The following PLXNA2 variants were observed in gnomAD, a reference collection of about 807,000 sequenced individuals.
PLXNA2 encodes the protein plexin-A2.
In PLXNA2, 91 loss-of-function variants were observed where a neutral mutation model predicts 193.5. That is an observed-to-expected ratio of 0.47 (90% CI 0.40 to 0.56). The LOEUF (loss-of-function observed/expected upper bound fraction) is 0.56. Among genes scored for constraint, PLXNA2 ranks in the 20% least tolerant of loss-of-function variants. PLXNA2 has a pLI of 0.00. For missense variants in PLXNA2, 1,995 were observed against 2,503.2 expected, an observed-to-expected ratio of 0.80 and a Z score of 4.33; for synonymous variants, 997 against 1,027.3, an observed-to-expected ratio of 0.97 and a Z score of 0.56.
rs757157494 is a variant in PLXNA2 at position 208,062,906 on chromosome 1, C to A, written c.2587-2069G>T. ...CAGTTTCCTCAGGGACCTGGGACTC[C>A]TGGGCTCTGGGAAAAGAACCCTTGT... On this transcript the variant is annotated intron_variant, in intron 12 of 31. Coordinates refer to ENST00000367033, the MANE Select transcript of PLXNA2 (RefSeq NM_025179.4). 1.6e-4 allele frequency among the ~76,000 whole-genome samples: 24 copies of A among 152,160 alleles called. 1 individual carries two copies. Among genetic ancestry groups the A allele is most frequent in the Non-Finnish European group, 2.9e-4 (20 of 68,026 alleles).
chr1:208,225,147 G>A (rs763325135), intron 1 of PLXNA2, among the ~76,000 whole-genome samples: 1 of 152,172 alleles, frequency 6.6e-6, no homozygotes, highest in Non-Finnish European at 1.5e-5. Context: ...CAGAGGCAGG[G>A]TAATGGGGCA....
chr1:208,071,480 A>C (rs1039893995), intron 12 of PLXNA2, among the ~76,000 whole-genome samples: 5 of 152,196 alleles, frequency 3.3e-5, no homozygotes, highest in Non-Finnish European at 7.4e-5. Context: ...GGTCTGAGAA[A>C]GCAAATTGTG....
chr1:208,029,544 G>GCTGGC (rs914986992), intron 29 of PLXNA2: 25 of 994,806 alleles, frequency 2.5e-5, no homozygotes, highest in Non-Finnish European at 2.8e-5. Flanking sequence ...ACTTCCCAGG[G>GCTGGC]CTGGCCTGGC....
intron 3 of PLXNA2, among the ~76,000 whole-genome samples, chr1:208,177,887 C>T (rs1209685545): frequency 6.6e-6 from 1 of 152,240 alleles, no homozygotes; most frequent in Non-Finnish European, 1.5e-5. Context: ...TTCTGATGCA[C>T]TCTCAAGTCT....
intron 13 of PLXNA2, among the ~76,000 whole-genome samples, chr1:208,057,504 C>A (rs1231773234): frequency 6.6e-6 from 1 of 152,160 alleles, no homozygotes; most frequent in Non-Finnish European, 1.5e-5. Context: ...GAGAGCTAAC[C>A]ACTTGTCCCC....
rs1343689390 is a variant in PLXNA2, at chr1:208,096,796, A to T, written c.1819T>A (p.Ser607Thr). ...GNLTEVEGQVSGSQVICISPG... is the reference protein window; with the variant it reads ...GNLTEVEGQVTGSQVICISPG... ...GAGATGCAGATGACCTGGCTCCCGG[A>T]CACCTGCCCCTCCACCTCTGTCAGG... Residue 607 changes from serine to threonine, a missense_variant, in exon 7 of 32, where the codon TCC becomes ACC. Ser to Thr is a moderately conservative substitution (Grantham distance 58). Around this residue, in one of 3 missense-constraint regions of PLXNA2, gnomAD observed 702 missense variants for 812.9 expected, o/e 0.86. Coordinates refer to ENST00000367033, the MANE Select transcript of PLXNA2 (RefSeq NM_025179.4). 6.2e-7 allele frequency: 1 copy of T among 1,614,060 alleles called. No individual in the cohort carries two copies. Among genetic ancestry groups the T allele is most frequent in the Middle Eastern group, 1.6e-4 (1 of 6,062 alleles).
intron 2 of PLXNA2, among the ~76,000 whole-genome samples, chr1:208,211,543 A>C (rs1246456074): frequency 6.6e-6 from 1 of 152,098 alleles, no homozygotes; most frequent in Non-Finnish European, 1.5e-5. Context: ...AATACAAAAA[A>C]TTAGCCAGGC....
chr1:208,074,375 G>T (rs543596496), intron 12 of PLXNA2, among the ~76,000 whole-genome samples: 1 of 152,132 alleles, frequency 6.6e-6, no homozygotes, highest in Non-Finnish European at 1.5e-5. Context: ...AGACACCCAC[G>T]ATGACAGCTG....
chr1:208,031,416 G>T, intron 29 of PLXNA2, 174 bp downstream of exon 29: 1 of 1,316,312 alleles, frequency 7.6e-7, no homozygotes, highest in Non-Finnish European at 1.0e-6. Flanking sequence ...CAGGCAGCTG[G>T]GGACCGTGTG....
Position 208,067,344 on chromosome 1 carries a change from C to CAA in PLXNA2, c.2587-6509_2587-6508dup, listed in dbSNP as rs35720470. ...GGGCAACAAGAGTGGAACTCCGTCTCAAAAAAAAAAAAAAAAGTTATAATA... is the reference window on the plus strand; with the variant it reads ...GGGCAACAAGAGTGGAACTCCGTCTCAAAAAAAAAAAAAAAAAAGTTATAATA... On this transcript the variant is annotated intron_variant, in intron 12 of 31. Coordinates refer to ENST00000367033, the MANE Select transcript of PLXNA2 (RefSeq NM_025179.4). Among the ~76,000 whole-genome samples, 122 of 116,232 alleles carry CAA rather than the reference C, an allele frequency of 1.0e-3. 1 individual carries two copies. In the Middle Eastern group the frequency reaches 0.014, roughly 13 times the overall value. The allele number at this position is 116,232 out of a possible 152,430, so 76.3% of individuals were successfully genotyped here.
At chr1:208,066,904 A>G (rs1665814761) in intron 12 of PLXNA2, among the ~76,000 whole-genome samples, 1 of 152,256 alleles carries the variant, frequency 6.6e-6, no homozygotes, top group Admixed American at 6.5e-5. Flanking sequence ...AAAGTAAAAA[A>G]GTGAATTTCA....
intron 3 of PLXNA2, among the ~76,000 whole-genome samples, chr1:208,163,511 T>C (rs1456438979): frequency 6.6e-6 from 1 of 152,066 alleles, no homozygotes; most frequent in Non-Finnish European, 1.5e-5. Flanking sequence ...TTGCCTGGGA[T>C]GGCTGGTGGG....
intron 1 of PLXNA2, among the ~76,000 whole-genome samples, chr1:208,227,531 C>T (rs939630657): frequency 2.0e-5 from 3 of 152,192 alleles, no homozygotes; most frequent in Non-Finnish European, 2.9e-5. Flanking sequence ...TGGGAGAACT[C>T]ACCAGAATGT....
At chr1:208,214,562 A>G (rs945660138) in intron 2 of PLXNA2, among the ~76,000 whole-genome samples, 1 of 152,138 alleles carries the variant, frequency 6.6e-6, no homozygotes, top group African/African-American at 2.4e-5. Flanking sequence ...CTTGGTCCCA[A>G]CGGCAGGCAC....
At position 208,044,634 on chromosome 1, in the gene PLXNA2, G is replaced by T. The variant is rs767465070; in HGVS notation, c.3748C>A (p.Leu1250Ile). ...VSIAAGGSLL[L>I]IIVIIVLIAY... ...ATGAGGACGATGATGACGATGATGA[G>T]GAGGAGGCTGCCGCCGGCCGCGATG... Residue 1250 changes from leucine to isoleucine, a missense_variant, in exon 20 of 32, where the codon CTC becomes ATC. Leu to Ile is a conservative substitution (Grantham distance 5, BLOSUM62 2). Coordinates refer to ENST00000367033, the MANE Select transcript of PLXNA2 (RefSeq NM_025179.4). The surrounding 1 kb of genome is among the most constrained non-coding windows in gnomAD (Gnocchi z 4.9). 6.2e-7 allele frequency: 1 copy of T among 1,614,130 alleles called. No homozygotes were observed. The highest frequency in any genetic ancestry group is 8.5e-7 in the Non-Finnish European group (1 of 1,179,990).
At chr1:208,191,307 G>A (rs1290961902) in intron 3 of PLXNA2, among the ~76,000 whole-genome samples, 1 of 152,094 alleles carries the variant, frequency 6.6e-6, no homozygotes, top group Non-Finnish European at 1.5e-5. Context: ...CCTGTCCTAG[G>A]ATTTCTTCCC....
At chr1:208,034,461 T>C (rs1208848595) in intron 27 of PLXNA2, 32 bp downstream of exon 27, 1 of 1,414,154 alleles carries the variant, frequency 7.1e-7, no homozygotes, top group Non-Finnish European at 1.0e-6. Context: ...GACTCTGCTC[T>C]GAGCTGCCCA....
chr1:208,097,458 T>C (rs567352849), intron 6 of PLXNA2, among the ~76,000 whole-genome samples: 1 of 152,270 alleles, frequency 6.6e-6, no homozygotes, highest in South Asian at 2.1e-4. Flanking sequence ...CTCTAGCAGC[T>C]CCCTTGAAAT....
intron 9 of PLXNA2, 21 bp downstream of exon 9, chr1:208,092,765 G>T (rs1329727499): frequency 1.3e-6 from 2 of 1,546,766 alleles, no homozygotes; most frequent in East Asian, 2.2e-5. Context: ...ACACTGCCAT[G>T]TTAGGGTAAG....
Sources: allele counts gnomAD v4.1 joint callset (sites outside exome capture counted in the v4.1 genomes callset), GRCh38; gene constraint gnomAD v4.1.1; regional missense constraint gnomAD v4.1.1; non-coding constraint Gnocchi (gnomAD v3.1); transcripts MANE v1.5; gene names NCBI Gene and HGNC (gene_info 2026-07-23, HGNC 2026-07-21).